The following POMK variants were observed in gnomAD, a reference collection of about 807,000 sequenced individuals.
POMK encodes the protein protein O-mannose kinase.
A neutral mutation model predicts 23.0 loss-of-function variants in POMK; 19 were observed. The ratio of observed to expected loss-of-function variants is 0.83; its 90% CI spans 0.58 to 1.21. The LOEUF (loss-of-function observed/expected upper bound fraction) is 1.21, where lower values mean the gene tolerates loss of function less well. Ranked by LOEUF, POMK falls within the 50% of genes most tolerant of loss-of-function variation. The pLI is 0.00. For missense variants in POMK, 410 were observed against 431.3 expected (o/e 0.95, Z 0.44); for synonymous variants, 173 against 171.6 (o/e 1.01, Z -0.06).
intron 3 of POMK, 133 bp from the exon 4 acceptor site, chr8:43,103,395 A>G: frequency 1.3e-6 from 1 of 788,758 alleles, no homozygotes; most frequent in South Asian, 1.7e-5. Flanking sequence ...GGTGTTCGAT[A>G]CCTGCTTTAA....
intron 4 of POMK, among the ~76,000 whole-genome samples, chr8:43,109,336 C>T (rs1433595344): frequency 6.6e-6 from 1 of 152,038 alleles, no homozygotes; most frequent in African/African-American, 2.4e-5. Context: ...CCTCTCTCTC[C>T]CCTCCCCCTT....
At chr8:43,108,746 T>C (rs575320997) in intron 4 of POMK, among the ~76,000 whole-genome samples, 2 of 152,310 alleles carry the variant, frequency 1.3e-5, no homozygotes, top group East Asian at 1.9e-4. Context: ...AGAGCACATA[T>C]CAAAGTTTTA....
intron 4 of POMK, among the ~76,000 whole-genome samples, chr8:43,111,122 G>T (rs1811648279): frequency 6.6e-6 from 1 of 152,170 alleles, no homozygotes; most frequent in South Asian, 2.1e-4. Context: ...AGCAGGGCGA[G>T]GCATTGCCCC....
chr8:43,104,972 A>G (rs1811517772), intron 4 of POMK, among the ~76,000 whole-genome samples: 1 of 152,126 alleles, frequency 6.6e-6, no homozygotes, highest in African/African-American at 2.4e-5. Flanking sequence ...AAATTGTGCT[A>G]GGGTGAAAGG....
chr8:43,122,934 C>T lies in POMK; in HGVS notation c.*57C>T. ...AGGGCTGAATGGAAGTTACAGCATT[C>T]TACTCTGATGGTGGAGTTTTTTGCC... On this transcript the variant is annotated 3_prime_UTR_variant, in exon 5 of 5. Coordinates refer to ENST00000331373, the MANE Select transcript of POMK (RefSeq NM_032237.5). 1 of 1,455,648 alleles carries T rather than the reference C, an allele frequency of 6.9e-7. No homozygotes were observed. Among genetic ancestry groups the T allele is most frequent in the Non-Finnish European group, 9.2e-7 (1 of 1,082,574 alleles). 90.2% of individuals were successfully genotyped at this position (1,455,648 alleles called of 1,614,324 possible). A position where few individuals can be genotyped will look rare whatever the true frequency, so the allele number is the denominator to read the frequency against.
chr8:43,120,689 T>C (rs551497451), intron 4 of POMK, among the ~76,000 whole-genome samples: 5,029 of 151,790 alleles, frequency 0.033, 300 homozygotes, highest in African/African-American at 0.12. Context: ...CTTTTTTTTT[T>C]TTTTTGAGAC....
chr8:43,101,384 C>T (rs1176977003), intron 2 of POMK, among the ~76,000 whole-genome samples: 8 of 147,574 alleles, frequency 5.4e-5, no homozygotes, highest in Admixed American at 4.7e-4. Flanking sequence ...CACCACTGCA[C>T]TCCAGCCCGA....
intron 4 of POMK, among the ~76,000 whole-genome samples, chr8:43,112,042 C>G (rs1811680815): frequency 6.6e-6 from 1 of 152,196 alleles, no homozygotes; most frequent in East Asian, 1.9e-4. Flanking sequence ...AGCTCCTCAC[C>G]AGCAATGGAA....
chr8:43,102,314 C>G (rs983355944), intron 2 of POMK, among the ~76,000 whole-genome samples, 191 bp from the exon 3 acceptor site: 1 of 152,224 alleles, frequency 6.6e-6, no homozygotes, highest in Non-Finnish European at 1.5e-5. Context: ...AGAGAGCAGA[C>G]TGGGACAGAG....
chr8:43,122,244 T>C lies in POMK; in HGVS notation c.420T>C (p.Tyr140=). 1 of 1,614,178 alleles carries C rather than the reference T, an allele frequency of 6.2e-7. No individual in the cohort carries two copies. The highest frequency in any genetic ancestry group is 8.5e-7 in the Non-Finnish European group (1 of 1,180,024). Residue 140 remains tyrosine (Y), a synonymous_variant, in exon 5 of 5, where the codon TAT becomes TAC. Coordinates refer to ENST00000331373, the MANE Select transcript of POMK (RefSeq NM_032237.5). ...CACATGTTGTCACGCTGCTTGGCTA[T>C]TGTGAGGATGACAACACTATGCTTA... ...QGTHVVTLLG[Y]CEDDNTMLTE...
Position 43,122,365 on chromosome 8 carries a change from C to G in POMK, c.541C>G (p.Leu181Val). 1.2e-6 allele frequency: 2 copies of G among 1,614,230 alleles called. No individual in the cohort carries two copies. Among genetic ancestry groups the G allele is most frequent in the Non-Finnish European group, 1.7e-6 (2 of 1,180,046 alleles). The change falls in exon 5 of 5, where the codon CTG (leucine) becomes GTG (valine). Residue 181 changes from leucine to valine, a missense_variant. Leu to Val is a conservative substitution (Grantham distance 32). Transcript: ENST00000331373. ...GAACACGTGGCAGCACAGGCTGGAGCTGGCCATGGACTATGTCAGCATCAT... is the reference window on the plus strand; with the variant it reads ...GAACACGTGGCAGCACAGGCTGGAGGTGGCCATGGACTATGTCAGCATCAT... ...NVNTWQHRLE[L>V]AMDYVSIINY...
chr8:43,121,754 G>A (rs896816977), intron 4 of POMK, among the ~76,000 whole-genome samples: 1 of 152,094 alleles, frequency 6.6e-6, no homozygotes, highest in African/African-American at 2.4e-5. Flanking sequence ...CTTCCCTCCT[G>A]AGCTAGCACT....
At chr8:43,099,306 A>G (rs1811393091) in intron 2 of POMK, among the ~76,000 whole-genome samples, 1 of 152,184 alleles carries the variant, frequency 6.6e-6, no homozygotes, top group South Asian at 2.1e-4. Context: ...GTTGTTCACC[A>G]GACATCCACA....
At chr8:43,101,863 C>T (rs1325298565) in intron 2 of POMK, among the ~76,000 whole-genome samples, 4 of 152,138 alleles carry the variant, frequency 2.6e-5, no homozygotes, top group Admixed American at 6.5e-5. Flanking sequence ...GGAGAAATGC[C>T]GTTTCCTGTT....
chr8:43,100,700 C>T (rs907379338), intron 2 of POMK, among the ~76,000 whole-genome samples: 2 of 151,732 alleles, frequency 1.3e-5, no homozygotes, highest in African/African-American at 4.8e-5. Context: ...GGAGGGACCT[C>T]ATGGAGGGAT....
chr8:43,120,491 G>T (rs2130624165), intron 4 of POMK, among the ~76,000 whole-genome samples: 2 of 151,700 alleles, frequency 1.3e-5, no homozygotes, highest in East Asian at 3.9e-4. Context: ...AAAGTGCTGG[G>T]ATTATAGGTA....
intron 4 of POMK, among the ~76,000 whole-genome samples, chr8:43,113,955 G>A: frequency 6.6e-6 from 1 of 152,214 alleles, no homozygotes; most frequent in East Asian, 1.9e-4. Flanking sequence ...GCTGCTGTCT[G>A]ATCGTTCCTC....
At chr8:43,107,660 A>G (rs907440033) in intron 4 of POMK, among the ~76,000 whole-genome samples, 11 of 149,266 alleles carry the variant, frequency 7.4e-5, no homozygotes, top group African/African-American at 2.7e-4. Flanking sequence ...GGCATGAATC[A>G]GTAATCACCT....
chr8:43,122,251 G>C lies in POMK; in HGVS notation c.427G>C (p.Asp143His). ...HVVTLLGYCEDDNTMLTEYHP... is the reference protein window; with the variant it reads ...HVVTLLGYCEHDNTMLTEYHP... The stretch of plus-strand genomic sequence containing the variant: ...TGTCACGCTGCTTGGCTATTGTGAG[G>C]ATGACAACACTATGCTTACTGAATA... The change falls in exon 5 of 5, where the codon GAT becomes CAT. Residue 143 changes from aspartate to histidine, a missense_variant. Physicochemically the swap from Asp to His is moderately conservative, Grantham distance 81. Coordinates refer to ENST00000331373, the MANE Select transcript of POMK (RefSeq NM_032237.5). 1 of 1,614,200 alleles carries C rather than the reference G, an allele frequency of 6.2e-7. No homozygotes were observed. The highest frequency in any genetic ancestry group is 8.5e-7 in the Non-Finnish European group (1 of 1,180,032).
Sources: allele counts gnomAD v4.1 joint callset (sites outside exome capture counted in the v4.1 genomes callset), GRCh38; gene constraint gnomAD v4.1.1; transcripts MANE v1.5; gene names NCBI Gene and HGNC (gene_info 2026-07-23, HGNC 2026-07-21).